Variants in ATP2B1 observed in about 807,000 individuals in gnomAD.
The protein encoded by ATP2B1 is ATPase plasma membrane Ca2+ transporting 1, also known as plasma membrane calcium-transporting ATPase 1.
A neutral mutation model predicts 124.2 loss-of-function variants in ATP2B1; 14 were observed. The ratio of observed to expected loss-of-function variants is 0.11; its 90% CI spans 0.07 to 0.18. ATP2B1 has a LOEUF of 0.18. Ranked by LOEUF, ATP2B1 falls within the 10% of genes least tolerant of loss-of-function variation. The pLI is 1.00. For synonymous variants in ATP2B1, 449 were observed against 492.4 expected, an observed-to-expected ratio of 0.91 and a Z score of 1.17; for missense variants, 763 against 1,466.1, an observed-to-expected ratio of 0.52 and a Z score of 7.83.
chr12:89,615,539 G>A (rs1592747738), intron 12 of ATP2B1, among the ~76,000 whole-genome samples: 2 of 152,284 alleles, frequency 1.3e-5, no homozygotes, highest in East Asian at 1.9e-4. Context: ...GCTCCTAAAA[G>A]AGTGCTACAC....
chr12:89,660,843 G>A (rs906488090), intron 1 of ATP2B1, among the ~76,000 whole-genome samples: 1 of 152,042 alleles, frequency 6.6e-6, no homozygotes, highest in Non-Finnish European at 1.5e-5. Flanking sequence ...TTTCAGATAT[G>A]GAAGGTTTAA....
intron 1 of ATP2B1, among the ~76,000 whole-genome samples, chr12:89,697,870 A>G (rs1380033703): frequency 6.6e-6 from 1 of 152,016 alleles, no homozygotes; most frequent in African/African-American, 2.4e-5. Flanking sequence ...TACAGGCTTC[A>G]TATATATCTT....
At chr12:89,629,544 T>A (rs1881511700) in intron 6 of ATP2B1, among the ~76,000 whole-genome samples, 1 of 152,164 alleles carries the variant, frequency 6.6e-6, no homozygotes, top group Non-Finnish European at 1.5e-5. Context: ...TACATTTTTG[T>A]TTCGAAATAG....
chr12:89,599,102 C>T lies in ATP2B1; in HGVS notation c.3351+15G>A. The T allele has an allele frequency of 6.2e-7, 1 of 1,611,518 alleles. No homozygotes were observed. On this transcript the variant is annotated intron_variant, in intron 20 of 20. Transcript: ENST00000428670. ...GGCTCCCATCATCTCTCCTACCTCT[C>T]TACCAGGCCCATACCTGTGTTTGGA...
At chr12:89,636,037 C>A (rs1882640356) in intron 3 of ATP2B1, among the ~76,000 whole-genome samples, 2 of 151,810 alleles carry the variant, frequency 1.3e-5, no homozygotes, top group Admixed American at 1.3e-4. Context: ...TAGTGATGTG[C>A]TATTAAATGA....
chr12:89,653,454 G>A (rs1459494712), intron 2 of ATP2B1, among the ~76,000 whole-genome samples: 4 of 151,048 alleles, frequency 2.6e-5, no homozygotes, highest in African/African-American at 7.3e-5. Flanking sequence ...CCGCCACCGC[G>A]CCCGGCTAAT....
chr12:89,696,295 T>G (rs1213192704), intron 1 of ATP2B1, among the ~76,000 whole-genome samples: 1 of 152,156 alleles, frequency 6.6e-6, no homozygotes, highest in African/African-American at 2.4e-5. Context: ...ATTTTAGTCA[T>G]AAGACCACAA....
At chr12:89,630,903 G>C in intron 5 of ATP2B1, 1 of 170,086 alleles carries the variant, frequency 5.9e-6, no homozygotes, top group Admixed American at 6.3e-5. Context: ...GAGTAGCTGG[G>C]ACCACAGATA....
At chr12:89,653,100 T>C (rs1164477817) in intron 2 of ATP2B1, among the ~76,000 whole-genome samples, 2 of 152,054 alleles carry the variant, frequency 1.3e-5, no homozygotes, top group Non-Finnish European at 2.9e-5. Context: ...CTTTTTAAAA[T>C]ATTTCAAAAA....
At chr12:89,627,953 G>A (rs75331510) in intron 6 of ATP2B1, among the ~76,000 whole-genome samples, 147 of 152,162 alleles carry the variant, frequency 9.7e-4, no homozygotes, top group African/African-American at 3.3e-3. Context: ...TTTTCCATAG[G>A]ACTTCATTAT....
chr12:89,644,986 C>G (rs773449123), intron 2 of ATP2B1, among the ~76,000 whole-genome samples: 5 of 152,180 alleles, frequency 3.3e-5, no homozygotes, highest in Admixed American at 6.5e-5. Flanking sequence ...ACTACTAACA[C>G]ACACAAAAGC....
chr12:89,687,996 G>A (rs1890154958), intron 1 of ATP2B1, among the ~76,000 whole-genome samples: 1 of 151,880 alleles, frequency 6.6e-6, no homozygotes, highest in South Asian at 2.1e-4. Flanking sequence ...CTAAAACCAA[G>A]AACATGTAAG....
intron 15 of ATP2B1, among the ~76,000 whole-genome samples, chr12:89,606,572 C>CTTTTT (rs11390166): frequency 3.9e-5 from 5 of 129,096 alleles, no homozygotes; most frequent in East Asian, 2.2e-4. Context: ...TAATGTCCCA[C>CTTTTT]TTTTTTTTTT....
At chr12:89,693,800 C>A (rs546542384) in intron 1 of ATP2B1, among the ~76,000 whole-genome samples, 4 of 152,276 alleles carry the variant, frequency 2.6e-5, no homozygotes, top group Admixed American at 1.3e-4. Context: ...GAGTAAGGTG[C>A]TGAGAGTCTT....
rs577115670 is a variant in ATP2B1, at chr12:89,689,689, T to C, written c.-222+18907A>G. 1.5e-3 allele frequency among the ~76,000 whole-genome samples: 235 copies of C among 152,264 alleles called. 1 individual carries two copies. The highest frequency in any genetic ancestry group is 5.1e-3 in the African/African-American group (213 of 41,570). On this transcript the variant is annotated intron_variant, in intron 1 of 20. Coordinates refer to ENST00000428670, the MANE Select transcript of ATP2B1 (RefSeq NM_001366521.1). ...ATCTATTTGTTAACTTGCTATATAT[T>C]TGTAGACTTCCATTTGTCTATTTTA... is the stretch of plus-strand genomic sequence containing the variant.
chr12:89,666,740 T>C (rs1330576636), intron 1 of ATP2B1, among the ~76,000 whole-genome samples: 1 of 152,180 alleles, frequency 6.6e-6, no homozygotes, highest in African/African-American at 2.4e-5. Flanking sequence ...TCATATATGA[T>C]CCACGGACAT....
chr12:89,698,162 A>C (rs906577882), intron 1 of ATP2B1, among the ~76,000 whole-genome samples: 3 of 152,190 alleles, frequency 2.0e-5, no homozygotes, highest in African/African-American at 7.2e-5. Context: ...GCACAAACAC[A>C]AATGCTTCCT....
chr12:89,674,204 C>T (rs1888339103), intron 1 of ATP2B1, among the ~76,000 whole-genome samples: 1 of 152,076 alleles, frequency 6.6e-6, no homozygotes, highest in South Asian at 2.1e-4. Context: ...AATCAAACTA[C>T]TAATTACACA....
At position 89,602,530 on chromosome 12, in the gene ATP2B1, A is replaced by G. The variant is rs531068367; in HGVS notation, c.3060+513T>C. On this transcript the variant is annotated intron_variant, in intron 18 of 20. Coordinates refer to ENST00000428670, the MANE Select transcript of ATP2B1 (RefSeq NM_001366521.1). ...GTGCACTTGTACAGATAGATTTCCA[A>G]CTGCTTTGTTAGTAGCCCAATTAGA... 2.0e-5 allele frequency among the ~76,000 whole-genome samples: 3 copies of G among 152,224 alleles called. No homozygotes were observed. In the South Asian group the frequency reaches 6.2e-4, roughly 32 times the overall value.
Sources: allele counts gnomAD v4.1 joint callset (sites outside exome capture counted in the v4.1 genomes callset), GRCh38; gene constraint gnomAD v4.1.1; transcripts MANE v1.5; gene names NCBI Gene and HGNC (gene_info 2026-07-23, HGNC 2026-07-21).